SEMA3A: variants seen among roughly 807,000 people sequenced by gnomAD.
SEMA3A encodes semaphorin-3A.
In SEMA3A, 29 loss-of-function variants were observed where a neutral mutation model predicts 97.9. The ratio of observed to expected loss-of-function variants is 0.30; its 90% CI spans 0.22 to 0.40. The LOEUF is 0.40. SEMA3A is among the 10% of genes least tolerant of loss of function. The pLI is 1.00. For missense variants in SEMA3A, 763 were observed against 951.3 expected (o/e 0.80, Z 2.60); for synonymous variants, 321 against 323.7 (o/e 0.99, Z 0.09).
At chr7:84,346,721 C>A (rs546050620) in intron 2 of SEMA3A, among the ~76,000 whole-genome samples, 2 of 152,110 alleles carry the variant, frequency 1.3e-5, no homozygotes, top group East Asian at 3.9e-4. Context: ...GATCACAGAT[C>A]AACAAAACAA....
At chr7:84,409,820 A>C (rs1804210215) in intron 1 of SEMA3A, among the ~76,000 whole-genome samples, 1 of 152,148 alleles carries the variant, frequency 6.6e-6, no homozygotes, top group African/African-American at 2.4e-5. Flanking sequence ...GAAACAAATT[A>C]ATTTAGAAAG....
chr7:84,184,817 T>C (rs1351691056), intron 1 of SEMA3A, among the ~76,000 whole-genome samples: 2 of 152,060 alleles, frequency 1.3e-5, no homozygotes, highest in East Asian at 3.9e-4. Context: ...TGAGGAGGCT[T>C]AGTGGAAGGG....
intron 1 of SEMA3A, among the ~76,000 whole-genome samples, chr7:84,486,248 C>T (rs898680983): frequency 2.0e-5 from 3 of 152,006 alleles, no homozygotes; most frequent in Non-Finnish European, 4.4e-5. Flanking sequence ...ATGAGCTGGG[C>T]GTGGTGGCAT....
In SEMA3A at chr7:83,960,355, T is replaced by G. The variant is rs78252722; in HGVS notation, c.*1016A>C. 6.6e-6 allele frequency: 1 copy of G among 152,080 alleles called. No homozygotes were observed. The highest frequency in any genetic ancestry group is 6.6e-5 in the Admixed American group (1 of 15,250). 9.4% of individuals were successfully genotyped at this position (152,080 alleles called of 1,614,324 possible). A position where few individuals can be genotyped will look rare whatever the true frequency, so the allele number is the denominator to read the frequency against. On this transcript the variant is annotated 3_prime_UTR_variant, in exon 17 of 17. Coordinates refer to ENST00000265362, the MANE Select transcript of SEMA3A (RefSeq NM_006080.3). The stretch of plus-strand genomic sequence containing the variant: ...AGTAAAATGCACTTAAAAATCAACT[T>G]GTTTCTTCCTTTTTTCCTGCTTAAA...
At chr7:84,107,264 T>C (rs967806738) in intron 4 of SEMA3A, among the ~76,000 whole-genome samples, 2 of 152,196 alleles carry the variant, frequency 1.3e-5, no homozygotes, top group African/African-American at 4.8e-5. Context: ...AGGTAGTGTT[T>C]TAAGTAAAAT....
chr7:84,061,410 A>T (rs1482174167), intron 4 of SEMA3A, among the ~76,000 whole-genome samples: 1 of 152,178 alleles, frequency 6.6e-6, no homozygotes, highest in African/African-American at 2.4e-5. Context: ...GTGTCTACCT[A>T]CTGCACTCTA....
chr7:84,471,112 T>C (rs1806134540), intron 1 of SEMA3A, among the ~76,000 whole-genome samples: 1 of 152,130 alleles, frequency 6.6e-6, no homozygotes, highest in Admixed American at 6.5e-5. Flanking sequence ...ACAAATAGAC[T>C]GCTTTTTGAA....
At chr7:84,192,673 G>A (rs1798085407) in intron 1 of SEMA3A, among the ~76,000 whole-genome samples, 1 of 151,888 alleles carries the variant, frequency 6.6e-6, no homozygotes, top group Non-Finnish European at 1.5e-5. Context: ...CTATCATGGA[G>A]AGTAACCTAT....
At chr7:83,972,014 CGTGT>C (rs1788936947) in intron 15 of SEMA3A, among the ~76,000 whole-genome samples, 2 of 64,786 alleles carry the variant, frequency 3.1e-5, no homozygotes, top group South Asian at 9.9e-4. Context: ...TACATATATA[CGTGT>C]GTGTCTATAT....
intron 3 of SEMA3A, among the ~76,000 whole-genome samples, chr7:84,230,876 T>C (rs962175266): frequency 6.6e-5 from 10 of 152,032 alleles, no homozygotes; most frequent in Non-Finnish European, 1.2e-4. Flanking sequence ...ATCAAGCTCC[T>C]GTTGTTATTT....
intron 3 of SEMA3A, among the ~76,000 whole-genome samples, chr7:84,206,805 G>A (rs569992339): frequency 3.3e-5 from 5 of 149,984 alleles, no homozygotes; most frequent in East Asian, 4.0e-4. Flanking sequence ...GTTCTTTCTC[G>A]TTCAACTGCA....
At chr7:83,995,000 G>A (rs889069061) in intron 12 of SEMA3A, among the ~76,000 whole-genome samples, 3 of 152,284 alleles carry the variant, frequency 2.0e-5, no homozygotes, top group East Asian at 1.9e-4. Flanking sequence ...CGAGCCATGT[G>A]CGGGATATAA....
chr7:84,133,003 T>C (rs1354084743), intron 2 of SEMA3A, among the ~76,000 whole-genome samples: 2 of 152,112 alleles, frequency 1.3e-5, no homozygotes, highest in Non-Finnish European at 2.9e-5. Flanking sequence ...TAAAGAATGG[T>C]TTTCTTTTGG....
intron 1 of SEMA3A, among the ~76,000 whole-genome samples, chr7:84,176,860 G>C (rs1797583246): frequency 6.6e-6 from 1 of 152,080 alleles, no homozygotes; most frequent in Non-Finnish European, 1.5e-5. Context: ...TGCAATTTCA[G>C]TAGTGAAGAT....
intron 3 of SEMA3A, among the ~76,000 whole-genome samples, chr7:84,226,358 C>A (rs1798990291): frequency 1.3e-5 from 2 of 151,762 alleles, no homozygotes; most frequent in Non-Finnish European, 2.9e-5. Flanking sequence ...TAAAGCTTTA[C>A]AAAAACTAAA....
chr7:84,071,110 A>T (rs80027628), intron 4 of SEMA3A, among the ~76,000 whole-genome samples: 1 of 152,170 alleles, frequency 6.6e-6, no homozygotes, highest in Admixed American at 6.6e-5. Context: ...GCAATACTAC[A>T]GTCACACATT....
chr7:84,485,311 G>GT (rs545706729), intron 1 of SEMA3A, among the ~76,000 whole-genome samples: 50 of 151,610 alleles, frequency 3.3e-4, no homozygotes, highest in African/African-American at 1.1e-3. Flanking sequence ...AAAAATCAAA[G>GT]TTTTTTGGTA....
At chr7:84,233,539 G>A (rs1048316931) in intron 3 of SEMA3A, among the ~76,000 whole-genome samples, 6 of 151,894 alleles carry the variant, frequency 4.0e-5, no homozygotes, top group Non-Finnish European at 7.4e-5. Context: ...AATGAAAATT[G>A]TTTATTGTCA....
chr7:84,269,132 G>C (rs1800083121), intron 3 of SEMA3A, among the ~76,000 whole-genome samples: 1 of 151,896 alleles, frequency 6.6e-6, no homozygotes, highest in Non-Finnish European at 1.5e-5. Context: ...GTTATGAGTA[G>C]AATTTTTTTT....
Sources: gnomAD v4.1 joint callset for allele counts (sites outside exome capture counted in the v4.1 genomes callset) on GRCh38, gnomAD v4.1.1 for gene constraint, MANE v1.5 for transcripts, NCBI Gene and HGNC (gene_info 2026-07-23, HGNC 2026-07-21) for gene names.